Variants in MS4A8 observed in about 807,000 individuals in gnomAD.
MS4A8 encodes membrane-spanning 4-domains subfamily A member 8.
MS4A8 carries 27 observed loss-of-function variants against 23.7 expected under a neutral mutation model. The observed-to-expected ratio is 1.14, with a 90% CI of 0.84 to 1.57. The LOEUF is 1.57. Among genes scored for constraint, MS4A8 ranks in the 40% most tolerant of loss-of-function variants. The pLI is 0.00. For missense variants in MS4A8, 301 were observed against 311.4 expected, an observed-to-expected ratio of 0.97 and a Z score of 0.25; for synonymous variants, 138 against 126.3, an observed-to-expected ratio of 1.09 and a Z score of -0.62.
At chr11:60,704,437 C>T (rs2088235421) in intron 3 of MS4A8, among the ~76,000 whole-genome samples, 1 of 152,078 alleles carries the variant, frequency 6.6e-6, no homozygotes, top group Non-Finnish European at 1.5e-5. Context: ...GATGTGTTTT[C>T]TTAATTCACA....
intron 3 of MS4A8, among the ~76,000 whole-genome samples, chr11:60,706,562 A>C (rs1263449015): frequency 1.3e-5 from 2 of 152,202 alleles, no homozygotes; most frequent in Non-Finnish European, 2.9e-5. Context: ...GGAAAACAAT[A>C]GGGTGTACTT....
chr11:60,701,131 CA>C (rs2088200765), intron 2 of MS4A8, 52 bp downstream of exon 2: 3 of 1,538,122 alleles, frequency 2.0e-6, no homozygotes, highest in Admixed American at 3.5e-5. Context: ...GGAGTGATGG[CA>C]GGGGGAAGGG....
intron 3 of MS4A8, among the ~76,000 whole-genome samples, chr11:60,705,331 A>G (rs2088246664): frequency 6.6e-6 from 1 of 152,192 alleles, no homozygotes; most frequent in Non-Finnish European, 1.5e-5. Context: ...GGATTCCACC[A>G]AGTGCCAGTG....
chr11:60,706,388 C>T (rs144466309), intron 3 of MS4A8, among the ~76,000 whole-genome samples: 46 of 152,142 alleles, frequency 3.0e-4, no homozygotes, highest in African/African-American at 1.1e-3. Flanking sequence ...AGCATCATAG[C>T]GACACAATGT....
chr11:60,703,510 T>G lies in MS4A8; in HGVS notation c.342+10T>G, dbSNP rs764503179. On this transcript the variant is annotated intron_variant, in intron 3 of 6. Coordinates refer to ENST00000300226, the MANE Select transcript of MS4A8 (RefSeq NM_031457.2). ...CTGGGGAGGCTTGTGGGTGAGTAAC[T>G]CAAGTCCTCCTGCCGATGAGCTCCC... 1 of 1,605,904 alleles carries G rather than the reference T, an allele frequency of 6.2e-7. No homozygotes were observed. The highest frequency in any genetic ancestry group is 8.5e-7 in the Non-Finnish European group (1 of 1,176,674).
In MS4A8 at chr11:60,705,592, T is replaced by C. The variant is rs2088249281; in HGVS notation, c.343-1396T>C. Among the ~76,000 whole-genome samples, 5 of 152,364 alleles carry C rather than the reference T, an allele frequency of 3.3e-5. No individual in the cohort carries two copies. The South Asian group carries it at 1.0e-3, about 32-fold the overall frequency. ...GAGAGGGATACCAAAAGTCCAGCCC[T>C]TCCTCCCCATCAAATCTCTATAAAC... is the stretch of plus-strand genomic sequence containing the variant. On this transcript the variant is annotated intron_variant, in intron 3 of 6. Transcript: ENST00000300226.
At chr11:60,714,887 T>A in intron 5 of MS4A8, 134 bp from the exon 6 acceptor site, 1 of 657,298 alleles carries the variant, frequency 1.5e-6, no homozygotes. Flanking sequence ...CGGTGGGAAA[T>A]TTCCCCCCAC....
chr11:60,711,744 G>C, intron 5 of MS4A8: 1 of 452,816 alleles, frequency 2.2e-6, no homozygotes, highest in Non-Finnish European at 4.4e-6. Flanking sequence ...GTTTAGGAAA[G>C]ACTAAACCCC....
chr11:60,704,416 C>CGG (rs1333627905), intron 3 of MS4A8, among the ~76,000 whole-genome samples: 1 of 152,090 alleles, frequency 6.6e-6, no homozygotes, highest in African/African-American at 2.4e-5. Flanking sequence ...CCACCACACC[C>CGG]GGCCAAAAGG....
At chr11:60,711,277 C>T (rs2088298160) in intron 5 of MS4A8, among the ~76,000 whole-genome samples, 1 of 152,188 alleles carries the variant, frequency 6.6e-6, no homozygotes, top group Non-Finnish European at 1.5e-5. Flanking sequence ...TAAACATCAA[C>T]AGCCATTAAC....
intron 5 of MS4A8, among the ~76,000 whole-genome samples, chr11:60,714,645 C>G (rs1021347866): frequency 6.6e-6 from 1 of 152,050 alleles, no homozygotes; most frequent in African/African-American, 2.4e-5. Context: ...CTAACCATCT[C>G]CCTGTTCTCT....
intron 3 of MS4A8, among the ~76,000 whole-genome samples, chr11:60,706,224 G>C (rs2088254688): frequency 6.6e-6 from 1 of 152,128 alleles, no homozygotes; most frequent in Admixed American, 6.5e-5. Context: ...ACAAATGGTA[G>C]CTCCTATTAA....
rs959648320 is a variant in MS4A8, at chr11:60,715,744, T to C, written c.*330T>C. The C allele has an allele frequency of 1.6e-5, 5 of 313,638 alleles. No homozygotes were observed. The highest frequency in any genetic ancestry group is 3.0e-5 in the Non-Finnish European group (5 of 167,086). The allele number at this position is 313,638 out of a possible 1,614,324, so 19.4% of individuals were successfully genotyped here. A position where few individuals can be genotyped will look rare whatever the true frequency, so the allele number is the denominator to read the frequency against. ...TGAGCTTGTGGGTTAGAGGAACAAA[T>C]ATCTAGACATTCAATCTTCACTCTT... On this transcript the variant is annotated 3_prime_UTR_variant, in exon 7 of 7. Coordinates refer to ENST00000300226, the MANE Select transcript of MS4A8 (RefSeq NM_031457.2).
At chr11:60,709,832 A>G (rs549203446) in intron 5 of MS4A8, among the ~76,000 whole-genome samples, 67 of 152,294 alleles carry the variant, frequency 4.4e-4, no homozygotes, top group Middle Eastern at 6.8e-3. Context: ...TAAAAAACAA[A>G]CCAACCCACC....
chr11:60,708,137 C>T (rs547723637), intron 4 of MS4A8, among the ~76,000 whole-genome samples: 17 of 152,154 alleles, frequency 1.1e-4, no homozygotes, highest in Non-Finnish European at 1.6e-4. Flanking sequence ...TGTGAGCATC[C>T]GCGTCCAGCC....
At chr11:60,711,988 T>A (rs2088304632) in intron 5 of MS4A8, 1 of 246,082 alleles carries the variant, frequency 4.1e-6, no homozygotes, top group Admixed American at 5.4e-5. Context: ...GGTTTCCACA[T>A]CAGGAATTAT....
At chr11:60,709,797 C>T (rs2088285750) in intron 5 of MS4A8, among the ~76,000 whole-genome samples, 1 of 152,204 alleles carries the variant, frequency 6.6e-6, no homozygotes, top group African/African-American at 2.4e-5. Flanking sequence ...GCTTTTGCAT[C>T]AGCATTAAGC....
At chr11:60,710,155 T>G (rs1458747444) in intron 5 of MS4A8, among the ~76,000 whole-genome samples, 1 of 152,200 alleles carries the variant, frequency 6.6e-6, no homozygotes, top group African/African-American at 2.4e-5. Flanking sequence ...GCTCAATAAT[T>G]GGTTCTCTGG....
intron 5 of MS4A8, among the ~76,000 whole-genome samples, chr11:60,710,109 T>C (rs1590954925): frequency 6.6e-6 from 1 of 152,186 alleles, no homozygotes; most frequent in East Asian, 1.9e-4. Flanking sequence ...CTCTTCTCTG[T>C]CTCCTCTGCT....
Sources: allele counts gnomAD v4.1 joint callset (sites outside exome capture counted in the v4.1 genomes callset), GRCh38; gene constraint gnomAD v4.1.1; transcripts MANE v1.5; gene names NCBI Gene and HGNC (gene_info 2026-07-23, HGNC 2026-07-21).